LARGE1: variants seen among roughly 807,000 people sequenced by gnomAD.
The protein encoded by LARGE1 is xylosyl- and glucuronyltransferase LARGE1.
Under a neutral mutation model 87.6 loss-of-function variants are expected in LARGE1, and 43 were observed. The observed-to-expected ratio is 0.49, with a 90% CI of 0.38 to 0.63. The LOEUF (loss-of-function observed/expected upper bound fraction) is 0.63. Among genes scored for constraint, LARGE1 ranks in the 30% least tolerant of loss-of-function variants. The pLI is 0.00. For missense variants in LARGE1, 802 were observed against 1,000.2 expected (o/e 0.80, Z 2.67); for synonymous variants, 434 against 394.6 (o/e 1.10, Z -1.18).
At chr22:33,629,694 G>T (rs2080042229) in intron 3 of LARGE1, among the ~76,000 whole-genome samples, 1 of 152,192 alleles carries the variant, frequency 6.6e-6, no homozygotes, top group Non-Finnish European at 1.5e-5. Context: ...GTTTTGTCAT[G>T]TGACTTTAGG....
At chr22:33,746,099 G>A (rs762979918) in intron 2 of LARGE1, among the ~76,000 whole-genome samples, 2 of 152,128 alleles carry the variant, frequency 1.3e-5, no homozygotes, top group Non-Finnish European at 2.9e-5. Context: ...AAAATTAGTC[G>A]GGTATGGTGG....
intron 11 of LARGE1, among the ~76,000 whole-genome samples, chr22:33,216,307 G>C (rs1925198629): frequency 6.6e-6 from 1 of 152,142 alleles, no homozygotes; most frequent in Non-Finnish European, 1.5e-5. Context: ...CCTAGTGAGA[G>C]CTATCCCACT....
intron 2 of LARGE1, among the ~76,000 whole-genome samples, chr22:33,676,909 A>C (rs1176579624): frequency 6.6e-6 from 1 of 152,246 alleles, no homozygotes; most frequent in East Asian, 1.9e-4. Context: ...AAGACCTCTC[A>C]GATTCTTCAA....
intron 6 of LARGE1, among the ~76,000 whole-genome samples, chr22:33,551,801 A>G (rs1177026298): frequency 6.6e-6 from 1 of 152,044 alleles, no homozygotes; most frequent in Non-Finnish European, 1.5e-5. Context: ...GCTGATGTTA[A>G]AAGTTATCTA....
chr22:33,894,982 A>G (rs2065097312), intron 1 of LARGE1, among the ~76,000 whole-genome samples: 1 of 152,144 alleles, frequency 6.6e-6, no homozygotes, highest in African/African-American at 2.4e-5. Context: ...ATGGGGCAGA[A>G]TATTTGCAAT....
chr22:33,581,584 T>C (rs762262033), intron 5 of LARGE1, among the ~76,000 whole-genome samples: 2 of 151,940 alleles, frequency 1.3e-5, no homozygotes, highest in African/African-American at 2.4e-5. Flanking sequence ...GAGGCTGAGG[T>C]GGGCAGATCA....
chr22:33,777,126 G>C (rs1381092483), intron 1 of LARGE1, among the ~76,000 whole-genome samples: 4 of 152,138 alleles, frequency 2.6e-5, no homozygotes, highest in Non-Finnish European at 4.4e-5. Flanking sequence ...GGAGAGAGAA[G>C]TCATTCCTGG....
intron 1 of LARGE1, among the ~76,000 whole-genome samples, chr22:33,826,018 C>T (rs527830259): frequency 9.2e-5 from 14 of 152,242 alleles, no homozygotes; most frequent in South Asian, 2.1e-4. Context: ...CAGAGAGACC[C>T]GCTGTCCAGA....
chr22:33,376,153 A>G (rs1247395898), intron 9 of LARGE1, among the ~76,000 whole-genome samples: 1 of 152,252 alleles, frequency 6.6e-6, no homozygotes, highest in Non-Finnish European at 1.5e-5. Flanking sequence ...AAAGAGAACC[A>G]TAACAAAATA....
At chr22:33,257,036 T>C (rs1227656352) in intron 11 of LARGE1, among the ~76,000 whole-genome samples, 1 of 151,978 alleles carries the variant, frequency 6.6e-6, no homozygotes, top group East Asian at 1.9e-4. Flanking sequence ...AGAAAACGCA[T>C]CTCTACTAAA....
intron 3 of LARGE1, among the ~76,000 whole-genome samples, chr22:33,641,168 C>A (rs1425118886): frequency 6.6e-6 from 1 of 152,162 alleles, no homozygotes; most frequent in Non-Finnish European, 1.5e-5. Flanking sequence ...CGGGCGGGTG[C>A]CCCTCTGGGA....
At chr22:33,767,623 T>A (rs1448917491) in intron 1 of LARGE1, among the ~76,000 whole-genome samples, 1 of 152,058 alleles carries the variant, frequency 6.6e-6, no homozygotes, top group Non-Finnish European at 1.5e-5. Flanking sequence ...GCGCCAGCTA[T>A]CTCTCATCAG....
intron 6 of LARGE1, among the ~76,000 whole-genome samples, chr22:33,533,566 G>T (rs548371235): frequency 1.3e-5 from 2 of 152,296 alleles, no homozygotes; most frequent in South Asian, 2.1e-4. Context: ...GATGTAAAAT[G>T]CCCCGACTTT....
At chr22:33,406,309 G>A (rs62225286) in intron 7 of LARGE1, among the ~76,000 whole-genome samples, 18,419 of 151,920 alleles carry the variant, frequency 0.12, 2,020 homozygotes, top group African/African-American at 0.29. Flanking sequence ...TCCCCATTCT[G>A]TCCAACATTC....
chr22:33,122,508 A>G, the LARGE1 span, among the ~76,000 whole-genome samples: 1 of 151,750 alleles, frequency 6.6e-6, no homozygotes, highest in African/African-American at 2.4e-5. Context: ...ACAGGTGCCT[A>G]TCACCATGCC....
At chr22:33,674,844 A>G (rs2081518823) in intron 2 of LARGE1, among the ~76,000 whole-genome samples, 5 of 152,110 alleles carry the variant, frequency 3.3e-5, no homozygotes, top group Admixed American at 3.3e-4. Flanking sequence ...ATCACAATCT[A>G]TCTGTATGCT....
At chr22:33,120,374 C>CTT in the LARGE1 span, among the ~76,000 whole-genome samples, 1 of 86,596 alleles carries the variant, frequency 1.2e-5, no homozygotes, top group Non-Finnish European at 2.2e-5. Flanking sequence ...TTCTTTCTTT[C>CTT]TTTCTTTCTT....
At chr22:33,095,158 A>C in the LARGE1 span, among the ~76,000 whole-genome samples, 1 of 152,232 alleles carries the variant, frequency 6.6e-6, no homozygotes, top group Admixed American at 6.5e-5. Context: ...GCTGTAACAA[A>C]TTACCACAAA....
chr22:33,305,510 T>C, intron 11 of LARGE1: 6 of 833,628 alleles, frequency 7.2e-6, no homozygotes, highest in Non-Finnish European at 8.7e-6. Flanking sequence ...AGCAAAAGCC[T>C]ACTTGAATTG....
Sources: gnomAD v4.1 joint callset for allele counts (sites outside exome capture counted in the v4.1 genomes callset) on GRCh38, gnomAD v4.1.1 for gene constraint, MANE v1.5 for transcripts, NCBI Gene and HGNC (gene_info 2026-07-23, HGNC 2026-07-21) for gene names.